Variants in BRF1 observed in about 807,000 individuals in gnomAD.
BRF1 encodes transcription factor IIIB 90 kDa subunit.
A neutral mutation model predicts 81.7 loss-of-function variants in BRF1; 59 were observed. That is an observed-to-expected ratio of 0.72 (90% CI 0.59 to 0.90). The LOEUF (loss-of-function observed/expected upper bound fraction) is 0.90, where lower values mean the gene tolerates loss of function less well. BRF1 is among the 40% of genes least tolerant of loss of function. The probability of loss-of-function intolerance (pLI) is 0.00; values close to 1 mark genes in which losing one functional copy is unlikely to be tolerated. For missense variants in BRF1, 1,050 were observed against 936.3 expected, an observed-to-expected ratio of 1.12 and a Z score of -1.58; for synonymous variants, 491 against 395.6, an observed-to-expected ratio of 1.24 and a Z score of -2.86.
rs1566789194 is a variant in BRF1, at chr14:105,210,080, C to T, written c.*471G>A. ...GACACCTGCAGGGCTCTGGCTTCCA[C>T]TCTGGCAGAGGCTGCTGGCGCCGAG... On this transcript the variant is annotated 3_prime_UTR_variant, in exon 18 of 18. Coordinates refer to ENST00000547530, the MANE Select transcript of BRF1 (RefSeq NM_001519.4). The surrounding 1 kb of genome is among the most constrained non-coding windows in gnomAD (Gnocchi z 4.7). The T allele has an allele frequency of 9.2e-6, 2 of 218,118 alleles. No individual in the cohort carries two copies. The highest frequency in any genetic ancestry group is 1.8e-5 in the Non-Finnish European group (2 of 110,104). 13.5% of individuals were successfully genotyped at this position (218,118 alleles called of 1,614,324 possible).
intron 3 of BRF1, among the ~76,000 whole-genome samples, chr14:105,258,357 C>T (rs894825025): frequency 2.0e-5 from 3 of 151,516 alleles, no homozygotes; most frequent in East Asian, 1.9e-4. Flanking sequence ...GGCGTGTTGG[C>T]GGGCACCTGT....
intron 14 of BRF1, among the ~76,000 whole-genome samples, chr14:105,218,260 A>G (rs1343616989): frequency 1.3e-5 from 2 of 152,156 alleles, no homozygotes; most frequent in Non-Finnish European, 2.9e-5. Context: ...ATCTCCTTCT[A>G]GGAGCTGGAG....
rs767474024 is a variant in BRF1 at position 105,211,307 on chromosome 14, G to A, written c.1825-14C>T. ...TGGGAGCAAAGCCTGGAACGAAGTG[G>A]GGCTCTGACACACACAGAGCTGGGA... is the stretch of plus-strand genomic sequence containing the variant. On this transcript the variant is annotated splice_polypyrimidine_tract_variant and intron_variant, in intron 16 of 17. Transcript: ENST00000547530. The A allele has an allele frequency of 1.3e-6, 2 of 1,579,718 alleles. No individual in the cohort carries two copies. The highest frequency in any genetic ancestry group is 1.7e-6 in the Non-Finnish European group (2 of 1,162,642).
chr14:105,245,409 A>C (rs903544243), intron 5 of BRF1, among the ~76,000 whole-genome samples: 2 of 152,192 alleles, frequency 1.3e-5, no homozygotes, highest in Non-Finnish European at 2.9e-5. Flanking sequence ...TAATGAACTA[A>C]AATAACAGAA....
intron 1 of BRF1, 129 bp from the exon 2 acceptor site, chr14:105,286,505 G>GC: frequency 3.3e-6 from 3 of 916,252 alleles, no homozygotes; most frequent in Non-Finnish European, 5.1e-6. Flanking sequence ...CAGCAGGTCG[G>GC]CCCCCCGCAC....
intron 4 of BRF1, among the ~76,000 whole-genome samples, chr14:105,253,325 G>A (rs1267668905): frequency 6.6e-6 from 1 of 152,116 alleles, no homozygotes; most frequent in African/African-American, 2.4e-5. Context: ...GGTGCACAGC[G>A]GGAATAGCCT....
rs1036483621 is a variant in BRF1 at position 105,271,319 on chromosome 14, G to A, written c.439+1402C>T. ...ACACTGCCGTGAGATTTCTGAACGT[G>A]GAGATTAGAGGCAAGGAGCTGAAGC... is the stretch of plus-strand genomic sequence containing the variant. On this transcript the variant is annotated intron_variant, in intron 3 of 17. Coordinates refer to ENST00000547530, the MANE Select transcript of BRF1 (RefSeq NM_001519.4). The surrounding 1 kb of genome is among the most constrained non-coding windows in gnomAD (Gnocchi z 5.5). 6.6e-6 allele frequency among the ~76,000 whole-genome samples: 1 copy of A among 152,226 alleles called. No homozygotes were observed. Among genetic ancestry groups the A allele is most frequent in the Non-Finnish European group, 1.5e-5 (1 of 68,050 alleles).
At chr14:105,314,873 C>T (rs2058496968) in intron 1 of BRF1, 1 of 914,226 alleles carries the variant, frequency 1.1e-6, no homozygotes, top group Admixed American at 6.5e-5. Context: ...GCGTCCGCGG[C>T]CCGGCCGCAG....
At chr14:105,217,842 C>G (rs753417957) in intron 14 of BRF1, 42 bp from the exon 15 acceptor site, 1 of 1,594,460 alleles carries the variant, frequency 6.3e-7, no homozygotes, top group African/African-American at 1.3e-5. Flanking sequence ...GAGTCACGCC[C>G]ACTGCACTCC....
chr14:105,306,007 C>A (rs925750627), intron 1 of BRF1, among the ~76,000 whole-genome samples: 1 of 152,252 alleles, frequency 6.6e-6, no homozygotes, highest in Non-Finnish European at 1.5e-5. Flanking sequence ...CAGCACACAG[C>A]AGCAGAGCGG....
Position 105,217,669 on chromosome 14 carries a change from G to A in BRF1, c.1647C>T (p.Ala549=), listed in dbSNP as rs149163711. The A allele has an allele frequency of 3.0e-5, 48 of 1,613,402 alleles. No homozygotes were observed. The highest frequency in any genetic ancestry group is 3.9e-5 in the Non-Finnish European group (46 of 1,180,028). ...NYSVLRGLSS[A]GGGSPHREDA... ...CCTCCCTGTGCGGACTGCCCCCGCC[G>A]GCGCTGCTGAGGCCCCGGAGCACGC... Residue 549 remains alanine, a synonymous_variant, in exon 15 of 18, where the codon GCC becomes GCT. Transcript: ENST00000547530.
At chr14:105,252,632 T>A in intron 4 of BRF1, 53 bp from the exon 5 acceptor site, 2 of 1,581,362 alleles carry the variant, frequency 1.3e-6, no homozygotes, top group South Asian at 1.1e-5. Context: ...AGGAAATGTT[T>A]GCTTTTTTTC....
intron 3 of BRF1, among the ~76,000 whole-genome samples, chr14:105,268,791 G>A (rs988034786): frequency 2.0e-5 from 3 of 152,204 alleles, no homozygotes; most frequent in African/African-American, 7.2e-5. Flanking sequence ...GTGGAGGTGG[G>A]GTGGTGGGTG....
rs964547163 is a variant in BRF1, at chr14:105,279,806, G to A, written c.265+6490C>T. Among the ~76,000 whole-genome samples the A allele has an allele frequency of 3.3e-5, 5 of 152,134 alleles. No homozygotes were observed. In the East Asian group the frequency reaches 7.7e-4, roughly 23 times the overall value. On this transcript the variant is annotated intron_variant, in intron 2 of 17. Transcript: ENST00000547530. ...AGCCAAGAATGGAAACACCCTAGAC[G>A]TCCATCAACAGGAAAAGGAGATAAA... is the stretch of plus-strand genomic sequence containing the variant.
At chr14:105,241,070 A>C (rs2054576898) in intron 6 of BRF1, among the ~76,000 whole-genome samples, 195 bp downstream of exon 6, 1 of 152,228 alleles carries the variant, frequency 6.6e-6, no homozygotes, top group African/African-American at 2.4e-5. Context: ...GGACACGCAG[A>C]GGCCAACGGG....
chr14:105,226,129 T>A lies in BRF1; in HGVS notation c.988A>T (p.Ile330Phe), dbSNP rs1566812484. 10 of 1,613,872 alleles carry A rather than the reference T, an allele frequency of 6.2e-6. No homozygotes were observed. Among genetic ancestry groups the A allele is most frequent in the Non-Finnish European group, 8.5e-6 (10 of 1,180,044 alleles). ...TTTGGCCGGCTGTTTTCTAGTTCAA[T>A]CTCAATTGCATCCTGGTAACTGGAT... ...EISSYQDAIE[I>F]ELENSRPKAK... is the part of the protein sequence containing the mutation. Residue 330 changes from isoleucine (I) to phenylalanine (F), a missense_variant, in exon 10 of 18, where the codon ATT (isoleucine) becomes TTT (phenylalanine). Transcript: ENST00000547530.
chr14:105,265,520 G>A (rs994810757), intron 3 of BRF1, among the ~76,000 whole-genome samples: 2 of 152,110 alleles, frequency 1.3e-5, no homozygotes, highest in East Asian at 1.9e-4. Flanking sequence ...GGGAGGCTAA[G>A]GTGGGCAGAT....
At chr14:105,303,336 C>T (rs587725398), upstream of BRF1, among the ~76,000 whole-genome samples, 10 of 152,272 alleles carry the variant, frequency 6.6e-5, no homozygotes, top group South Asian at 1.2e-3. Context: ...CTCCACCTCC[C>T]GGGTTCATGC....
At chr14:105,228,367 A>G (rs921590605) in intron 7 of BRF1, 1 of 155,288 alleles carries the variant, frequency 6.4e-6, no homozygotes, top group Non-Finnish European at 1.4e-5. Flanking sequence ...CATGACCAAC[A>G]TGGTGAGACC....
Sources: allele counts gnomAD v4.1 joint callset (sites outside exome capture counted in the v4.1 genomes callset), GRCh38; gene constraint gnomAD v4.1.1; non-coding constraint Gnocchi (gnomAD v3.1); transcripts MANE v1.5; gene names NCBI Gene and HGNC (gene_info 2026-07-23, HGNC 2026-07-21).